Variants in CACNB2 observed in about 807,000 individuals in gnomAD.
CACNB2 encodes the protein voltage-dependent L-type calcium channel subunit beta-2.
In CACNB2, 42 loss-of-function variants were observed where a neutral mutation model predicts 73.3. The observed-to-expected ratio is 0.57, with a 90% CI of 0.45 to 0.74. The LOEUF (loss-of-function observed/expected upper bound fraction) is 0.74. Among genes scored for constraint, CACNB2 ranks in the 30% least tolerant of loss-of-function variants. The pLI is 0.00. For missense variants in CACNB2, 940 were observed against 853.0 expected (o/e 1.10, Z -1.27); for synonymous variants, 348 against 310.3 (o/e 1.12, Z -1.28).
chr10:18,284,061 T>TA (rs534904608), intron 2 of CACNB2, among the ~76,000 whole-genome samples: 3 of 151,288 alleles, frequency 2.0e-5, no homozygotes, highest in Non-Finnish European at 2.9e-5. Flanking sequence ...ATTAAAACCT[T>TA]AAAAAAAATA....
Position 18,147,059 on chromosome 10 carries a change from G to A in CACNB2, c.121-3824G>A, listed in dbSNP as rs16916889. Among the ~76,000 whole-genome samples, 1,100 of 152,236 alleles carry A rather than the reference G, an allele frequency of 7.2e-3. 11 individuals carry two copies. Among genetic ancestry groups the A allele is most frequent in the African/African-American group, 0.023 (964 of 41,538 alleles). Reference sequence around the variant, plus strand: ...GCTGCCAAGACAACTTTGAGTGCACGGCTAAAATCTCCAGTTAACTGACAA... The same window carrying A: ...GCTGCCAAGACAACTTTGAGTGCACAGCTAAAATCTCCAGTTAACTGACAA... On this transcript the variant is annotated intron_variant, in intron 1 of 13. Coordinates refer to ENST00000324631, the MANE Select transcript of CACNB2 (RefSeq NM_201596.3).
intron 3 of CACNB2, among the ~76,000 whole-genome samples, chr10:18,446,328 A>G (rs1041746397): frequency 6.6e-6 from 1 of 152,220 alleles, no homozygotes; most frequent in Non-Finnish European, 1.5e-5. Context: ...AAATGAAATC[A>G]TCAGAGCAGA....
rs78815018 is a variant in CACNB2 at position 18,211,041 on chromosome 10, G to A, written c.213+60066G>A. 2.4e-4 allele frequency among the ~76,000 whole-genome samples: 37 copies of A among 152,310 alleles called. No homozygotes were observed. In the East Asian group the frequency reaches 4.4e-3, roughly 18 times the overall value. On this transcript the variant is annotated intron_variant, in intron 2 of 13. Coordinates refer to ENST00000324631, the MANE Select transcript of CACNB2 (RefSeq NM_201596.3). ...CTGTGAAGATTAAATGAGAGCATCT[G>A]AAGCACTGAGCATGAAGCTTTGCTC...
At chr10:18,432,568 T>TAA (rs2045940734) in intron 3 of CACNB2, among the ~76,000 whole-genome samples, 1 of 152,070 alleles carries the variant, frequency 6.6e-6, no homozygotes, top group Non-Finnish European at 1.5e-5. Flanking sequence ...TGCAGTGACT[T>TAA]ACACCTGTAT....
At chr10:18,342,463 C>T (rs1369623274) in intron 2 of CACNB2, among the ~76,000 whole-genome samples, 1 of 152,160 alleles carries the variant, frequency 6.6e-6, no homozygotes, top group African/African-American at 2.4e-5. Context: ...TCTGTGTCTA[C>T]AGAAATAATA....
In CACNB2 at chr10:18,536,246, T is replaced by TTC. The variant is rs1414117068; in HGVS notation, c.1302+51_1302+52insCT. On this transcript the variant is annotated intron_variant, in intron 12 of 13. Coordinates refer to ENST00000324631, the MANE Select transcript of CACNB2 (RefSeq NM_201596.3). ...AATCCAGTTACAGAGATCAGACCTT[T>TTC]TTTTTTTTTTTTTTTTTTTTTTTTT... 570 of 436,826 alleles carry TTC rather than the reference T, an allele frequency of 1.3e-3. 39 individuals carry two copies. Among genetic ancestry groups the TTC allele is most frequent in the South Asian group, 4.2e-3 (174 of 41,690 alleles). 27.1% of individuals were successfully genotyped at this position (436,826 alleles called of 1,614,324 possible).
chr10:18,449,242 G>A (rs1481535305), intron 3 of CACNB2, among the ~76,000 whole-genome samples: 2 of 152,024 alleles, frequency 1.3e-5, no homozygotes, highest in Non-Finnish European at 2.9e-5. Flanking sequence ...AAAATTAGCC[G>A]GGCGTGGTGG....
intron 3 of CACNB2, among the ~76,000 whole-genome samples, chr10:18,452,629 C>T (rs1184116607): frequency 6.6e-6 from 1 of 152,188 alleles, no homozygotes; most frequent in East Asian, 1.9e-4. Context: ...CCTGTCACCT[C>T]AAACTCCTGT....
intron 2 of CACNB2, among the ~76,000 whole-genome samples, chr10:18,351,377 A>T (rs17683651): frequency 0.085 from 12,889 of 152,222 alleles, 698 homozygotes; most frequent in Non-Finnish European, 0.12. Context: ...TGTGCTAGAG[A>T]TCTTTTCTGA....
At chr10:18,306,678 G>T (rs1471371872) in intron 2 of CACNB2, among the ~76,000 whole-genome samples, 1 of 152,186 alleles carries the variant, frequency 6.6e-6, no homozygotes, top group Non-Finnish European at 1.5e-5. Context: ...GCTTTTCAGG[G>T]TTAGTAGCTA....
intron 2 of CACNB2, among the ~76,000 whole-genome samples, chr10:18,336,649 G>A (rs1034071423): frequency 2.0e-5 from 3 of 151,952 alleles, no homozygotes; most frequent in Non-Finnish European, 4.4e-5. Flanking sequence ...AGATGACTTA[G>A]GGGATAATCT....
chr10:18,220,232 TAGAGAG>T (rs1169176468), intron 2 of CACNB2, among the ~76,000 whole-genome samples: 588 of 24,988 alleles, frequency 0.024, 11 homozygotes, highest in Non-Finnish European at 0.025. Flanking sequence ...TATATATATA[TAGAGAG>T]AGAGAGAGAG....
chr10:18,479,106 CTT>C (rs2048587595), intron 3 of CACNB2, among the ~76,000 whole-genome samples: 1 of 152,060 alleles, frequency 6.6e-6, no homozygotes, highest in Admixed American at 6.6e-5. Context: ...GAGTTTAACT[CTT>C]TCATCAAAAT....
chr10:18,425,575 G>T (rs1027629370), intron 3 of CACNB2, among the ~76,000 whole-genome samples: 7 of 152,104 alleles, frequency 4.6e-5, no homozygotes, highest in Non-Finnish European at 1.0e-4. Flanking sequence ...GGCTGAGTTG[G>T]GGGGGTTGCT....
intron 2 of CACNB2, among the ~76,000 whole-genome samples, chr10:18,218,236 T>C (rs974597777): frequency 2.0e-5 from 3 of 152,254 alleles, no homozygotes; most frequent in Non-Finnish European, 4.4e-5. Flanking sequence ...ATTCTGAAGG[T>C]ATTTTTGTCC....
At chr10:18,365,561 T>C (rs968131291) in intron 2 of CACNB2, among the ~76,000 whole-genome samples, 2 of 152,192 alleles carry the variant, frequency 1.3e-5, no homozygotes, top group Admixed American at 1.3e-4. Context: ...TTATTTCTAA[T>C]TAAAACATGA....
intron 2 of CACNB2, among the ~76,000 whole-genome samples, chr10:18,329,287 A>G (rs1174481084): frequency 6.6e-6 from 1 of 152,162 alleles, no homozygotes; most frequent in Non-Finnish European, 1.5e-5. Context: ...CTCAGGAGAA[A>G]CATTCTCCCT....
At position 18,363,605 on chromosome 10, in the gene CACNB2, T is replaced by TAGC. The variant is rs1186828653; in HGVS notation, c.214-38316_214-38314dup. ...TCTTCTATTCTAGTAAGCTCAAAGC[T>TAGC]AGCAGTTCAAAGCTAGTATTTAATA... On this transcript the variant is annotated intron_variant, in intron 2 of 13. Coordinates refer to ENST00000324631, the MANE Select transcript of CACNB2 (RefSeq NM_201596.3). Among the ~76,000 whole-genome samples the TAGC allele has an allele frequency of 1.1e-4, 17 of 152,216 alleles. No homozygotes were observed. In the East Asian group the frequency reaches 3.3e-3, roughly 29 times the overall value.
intron 2 of CACNB2, among the ~76,000 whole-genome samples, chr10:18,220,192 T>C (rs189115405): frequency 0.022 from 897 of 40,450 alleles, 146 homozygotes; most frequent in African/African-American, 0.064. Flanking sequence ...TATACATATA[T>C]ATGTGTGTGT....
Sources: allele counts gnomAD v4.1 joint callset (sites outside exome capture counted in the v4.1 genomes callset), GRCh38; gene constraint gnomAD v4.1.1; transcripts MANE v1.5; gene names NCBI Gene and HGNC (gene_info 2026-07-23, HGNC 2026-07-21).